The following DSCAML1 variants were observed in gnomAD, a reference collection of about 807,000 sequenced individuals.
DSCAML1 encodes the protein DS cell adhesion molecule like 1.
In DSCAML1, 38 loss-of-function variants were observed where a neutral mutation model predicts 200.5. That is an observed-to-expected ratio of 0.19 (90% CI 0.15 to 0.25). DSCAML1 has a LOEUF of 0.25. Ranked by LOEUF, DSCAML1 falls within the 10% of genes least tolerant of loss-of-function variation. The pLI is 1.00. For synonymous variants in DSCAML1, 1,215 were observed against 1,165.0 expected (o/e 1.04, Z -0.87); for missense variants, 2,223 against 2,858.8 (o/e 0.78, Z 5.07).
intron 3 of DSCAML1, among the ~76,000 whole-genome samples, chr11:117,587,023 C>T (rs1003589527): frequency 1.3e-5 from 2 of 152,160 alleles, no homozygotes; most frequent in African/African-American, 2.4e-5. Context: ...CATACCAACA[C>T]GTCAGCTCTT....
intron 3 of DSCAML1, among the ~76,000 whole-genome samples, chr11:117,666,214 C>T (rs552408618): frequency 2.0e-5 from 3 of 152,246 alleles, no homozygotes; most frequent in Non-Finnish European, 4.4e-5. Context: ...AGTGGACCCT[C>T]GAGCCAGCCT....
chr11:117,676,012 C>T (rs1307804600), intron 3 of DSCAML1, among the ~76,000 whole-genome samples: 3 of 152,148 alleles, frequency 2.0e-5, no homozygotes, highest in Non-Finnish European at 4.4e-5. Context: ...GAGGAAATAG[C>T]ACTTTCGAGC....
At chr11:117,522,638 G>A (rs1401653442) in intron 5 of DSCAML1, among the ~76,000 whole-genome samples, 1 of 152,232 alleles carries the variant, frequency 6.6e-6, no homozygotes, top group Non-Finnish European at 1.5e-5. Context: ...TCGTTTCCCA[G>A]AGCCTCTGCC....
chr11:117,505,786 G>A lies in DSCAML1; in HGVS notation c.1784-54C>T, dbSNP rs748661355. On this transcript the variant is annotated intron_variant, in intron 8 of 32. Transcript: ENST00000651296. The surrounding 1 kb of genome is among the most constrained non-coding windows in gnomAD (Gnocchi z 6.7). ...GGACCCTGTGCATTCTCACCTGGCC[G>A]CCAACGCCGCCTCACCTGCCTTACC... The A allele has an allele frequency of 2.6e-5, 40 of 1,552,302 alleles. No individual in the cohort carries two copies. Among genetic ancestry groups the A allele is most frequent in the South Asian group, 3.6e-5 (3 of 83,244 alleles).
chr11:117,616,052 G>A (rs545772323), intron 3 of DSCAML1, among the ~76,000 whole-genome samples: 1 of 152,362 alleles, frequency 6.6e-6, no homozygotes, highest in East Asian at 1.9e-4. Flanking sequence ...CAGCCACTCA[G>A]GGTATCAGAC....
intron 3 of DSCAML1, among the ~76,000 whole-genome samples, chr11:117,728,128 C>A (rs1274357505): frequency 6.6e-6 from 1 of 152,124 alleles, no homozygotes; most frequent in Non-Finnish European, 1.5e-5. Context: ...GGTTTAACAT[C>A]AGAAAATCCA....
intron 6 of DSCAML1, among the ~76,000 whole-genome samples, chr11:117,519,490 C>T (rs1337908387): frequency 2.6e-5 from 4 of 152,188 alleles, no homozygotes; most frequent in Admixed American, 2.6e-4. Context: ...TCCTTCCGCA[C>T]AGGATTGTTG....
intron 3 of DSCAML1, among the ~76,000 whole-genome samples, chr11:117,601,045 G>T (rs987901992): frequency 6.6e-6 from 1 of 152,190 alleles, no homozygotes; most frequent in Non-Finnish European, 1.5e-5. Context: ...CCCTTGAAAA[G>T]TATTAAAAGC....
intron 1 of DSCAML1, among the ~76,000 whole-genome samples, chr11:117,783,588 G>A (rs1471927712): frequency 6.6e-6 from 1 of 151,650 alleles, no homozygotes; most frequent in Non-Finnish European, 1.5e-5. Context: ...TAACTCCCTC[G>A]GGGGTGTTAT....
At chr11:117,772,489 G>T (rs996974749) in intron 3 of DSCAML1, among the ~76,000 whole-genome samples, 1 of 152,220 alleles carries the variant, frequency 6.6e-6, no homozygotes, top group Admixed American at 6.5e-5. Context: ...ATGCAGGCTT[G>T]TCTTCCTGAG....
At chr11:117,816,254 A>C (rs1319919296) in intron 1 of DSCAML1, among the ~76,000 whole-genome samples, 4 of 152,158 alleles carry the variant, frequency 2.6e-5, no homozygotes, top group Non-Finnish European at 5.9e-5. Context: ...TGGCTCTCCC[A>C]GTGCAGCCCT....
chr11:117,693,082 T>C (rs571631692), intron 3 of DSCAML1, among the ~76,000 whole-genome samples: 6 of 152,284 alleles, frequency 3.9e-5, no homozygotes, highest in African/African-American at 1.4e-4. Context: ...CGGGAAGCAT[T>C]CCGTCCTCTG....
At chr11:117,813,757 C>T (rs71583168) in intron 1 of DSCAML1, among the ~76,000 whole-genome samples, 6 of 152,176 alleles carry the variant, frequency 3.9e-5, no homozygotes, top group Non-Finnish European at 7.3e-5. Flanking sequence ...TAGGTTCCCA[C>T]GCCACCCCTA....
At chr11:117,429,520 T>C (rs2047740614) in intron 32 of DSCAML1, among the ~76,000 whole-genome samples, 1 of 152,268 alleles carries the variant, frequency 6.6e-6, no homozygotes, top group East Asian at 1.9e-4. Flanking sequence ...TACAGGCACG[T>C]GCCACCATGC....
chr11:117,752,094 G>C (rs4576856), intron 3 of DSCAML1, among the ~76,000 whole-genome samples: 1 of 152,048 alleles, frequency 6.6e-6, no homozygotes, highest in South Asian at 2.1e-4. Flanking sequence ...AGAAGGCAGG[G>C]TCTCTCTCCC....
At chr11:117,558,942 C>T (rs1334074894) in intron 3 of DSCAML1, among the ~76,000 whole-genome samples, 2 of 152,078 alleles carry the variant, frequency 1.3e-5, no homozygotes, top group East Asian at 3.8e-4. Context: ...ATCACCAGGG[C>T]CAGGTGGTGG....
At chr11:117,765,034 G>T (rs1400256055) in intron 3 of DSCAML1, among the ~76,000 whole-genome samples, 1 of 152,210 alleles carries the variant, frequency 6.6e-6, no homozygotes, top group Non-Finnish European at 1.5e-5. Context: ...CAGGATTCTG[G>T]CAGATCCTGT....
chr11:117,744,623 C>T (rs2137849490), intron 3 of DSCAML1, among the ~76,000 whole-genome samples: 1 of 152,338 alleles, frequency 6.6e-6, no homozygotes, highest in Non-Finnish European at 1.5e-5. Flanking sequence ...TCCAACTAGC[C>T]CCAGCCACTG....
At chr11:117,687,424 C>CTTTTTTTTT (rs1440234665) in intron 3 of DSCAML1, among the ~76,000 whole-genome samples, 3 of 51,810 alleles carry the variant, frequency 5.8e-5, no homozygotes, top group Admixed American at 2.6e-4. Context: ...CCATGCCTGG[C>CTTTTTTTTT]TATTTTTTTT....
Sources: gnomAD v4.1 joint callset for allele counts (sites outside exome capture counted in the v4.1 genomes callset) on GRCh38, gnomAD v4.1.1 for gene constraint, Gnocchi (gnomAD v3.1) non-coding constraint, MANE v1.5 for transcripts, NCBI Gene and HGNC (gene_info 2026-07-23, HGNC 2026-07-21) for gene names.